Variants in TCF12 observed in about 807,000 individuals in gnomAD.
TCF12 encodes the protein transcription factor 12, also known as DNA-binding protein HTF4.
Under a neutral mutation model 86.0 loss-of-function variants are expected in TCF12, and 45 were observed. The observed-to-expected ratio is 0.52, with a 90% CI of 0.41 to 0.67. The LOEUF (loss-of-function observed/expected upper bound fraction) is 0.67. TCF12 is among the 30% of genes least tolerant of loss of function. TCF12 has a pLI of 0.00. For synonymous variants in TCF12, 330 were observed against 299.6 expected (o/e 1.10, Z -1.05); for missense variants, 881 against 859.9 (o/e 1.02, Z -0.31).
chr15:57,100,934 A>G (rs1284189337), intron 5 of TCF12, among the ~76,000 whole-genome samples: 1 of 152,160 alleles, frequency 6.6e-6, no homozygotes, highest in Admixed American at 6.5e-5. Flanking sequence ...TCTGGTCTTT[A>G]GTTATATAGG....
Position 57,263,292 on chromosome 15 carries a change from G to A in TCF12, c.1745+18G>A. 1 of 1,589,030 alleles carries A rather than the reference G, an allele frequency of 6.3e-7. No homozygotes were observed. Among genetic ancestry groups the A allele is most frequent in the Non-Finnish European group, 8.5e-7 (1 of 1,174,556 alleles). ...AGAACAAGGTATTTGTTAGCATCCA[G>A]GTTTTAAATTTTATTCATTTTCCAT... is the stretch of plus-strand genomic sequence containing the variant. On this transcript the variant is annotated intron_variant, in intron 18 of 20. Transcript: ENST00000333725.
chr15:57,166,418 A>G lies in TCF12; in HGVS notation c.342A>G (p.Arg114=). ...GTTTTATAGGAAAAACATCAGAGAGAGGCTCATTTTCCCTGTACAGCAGAG... is the reference window on the plus strand; with the variant it reads ...GTTTTATAGGAAAAACATCAGAGAGGGGCTCATTTTCCCTGTACAGCAGAG... ...NSNLMGKTSE[R]GSFSLYSRDT... is the part of the protein sequence containing the mutation. Residue 114 remains arginine (R), a synonymous_variant, in exon 6 of 21, where the codon AGA becomes AGG. Coordinates refer to ENST00000333725, the MANE Select transcript of TCF12 (RefSeq NM_207037.2). 6.2e-7 allele frequency: 1 copy of G among 1,612,284 alleles called. No individual in the cohort carries two copies. The highest frequency in any genetic ancestry group is 8.5e-7 in the Non-Finnish European group (1 of 1,179,376).
intron 5 of TCF12, among the ~76,000 whole-genome samples, chr15:57,160,347 A>G (rs1391699415): frequency 6.6e-6 from 1 of 152,116 alleles, no homozygotes; most frequent in Non-Finnish European, 1.5e-5. Flanking sequence ...CCCTTATAAA[A>G]CCATCAGATC....
Position 57,190,528 on chromosome 15 carries a change from A to C in TCF12, c.391-1630A>C, listed in dbSNP as rs181568989. On this transcript the variant is annotated intron_variant, in intron 6 of 20. Transcript: ENST00000333725. ...GGAATCACAGTTCTTTTCACTTGAG[A>C]GTATCTTCTCAAGTGTATTCAACCC... Among the ~76,000 whole-genome samples the C allele has an allele frequency of 9.6e-4, 146 of 152,188 alleles. 1 individual carries two copies. Among genetic ancestry groups the C allele is most frequent in the Middle Eastern group, 6.8e-3 (2 of 294 alleles).
chr15:57,101,759 G>A (rs1340725583), intron 5 of TCF12, among the ~76,000 whole-genome samples: 1 of 152,078 alleles, frequency 6.6e-6, no homozygotes, highest in African/African-American at 2.4e-5. Context: ...TTTAGTTTGA[G>A]TATACCTCTG....
intron 8 of TCF12, 131 bp downstream of exon 8, chr15:57,197,956 C>A: frequency 1.2e-6 from 1 of 858,344 alleles, no homozygotes; most frequent in South Asian, 1.7e-5. Flanking sequence ...CAGTGCTTAA[C>A]AAAATCATTG....
intron 3 of TCF12, among the ~76,000 whole-genome samples, chr15:57,012,773 C>G (rs561071867): frequency 6.7e-4 from 102 of 152,260 alleles, no homozygotes; most frequent in African/African-American, 2.3e-3. Flanking sequence ...GCTCAGGCAG[C>G]CTGAGTCCTC....
At chr15:57,224,218 T>C (rs1204417707) in intron 8 of TCF12, among the ~76,000 whole-genome samples, 1 of 152,066 alleles carries the variant, frequency 6.6e-6, no homozygotes, top group African/African-American at 2.4e-5. Context: ...AGGTGCAATA[T>C]TGTTGAATCT....
intron 16 of TCF12, among the ~76,000 whole-genome samples, chr15:57,257,090 G>A (rs2591071): frequency 0.024 from 3,705 of 152,188 alleles, 145 homozygotes; most frequent in African/African-American, 0.083. Context: ...AGATGGGCAC[G>A]GCTGTATTCC....
At chr15:57,158,328 A>C (rs899363114) in intron 5 of TCF12, among the ~76,000 whole-genome samples, 23 of 151,756 alleles carry the variant, frequency 1.5e-4, no homozygotes, top group Non-Finnish European at 3.2e-4. Flanking sequence ...ACAGGTGTGT[A>C]CCACCATGCC....
chr15:56,942,930 A>G (rs1345461246), intron 3 of TCF12, among the ~76,000 whole-genome samples: 1 of 152,184 alleles, frequency 6.6e-6, no homozygotes, highest in Non-Finnish European at 1.5e-5. Flanking sequence ...AAAAAATTTG[A>G]AAGCCTGTAT....
chr15:57,200,547 T>G (rs1328181710), intron 8 of TCF12, among the ~76,000 whole-genome samples: 2 of 152,238 alleles, frequency 1.3e-5, no homozygotes, highest in Admixed American at 6.5e-5. Flanking sequence ...CAGGATTTCA[T>G]CAGTTTCCTA....
intron 8 of TCF12, chr15:57,219,042 T>C (rs1267472246): frequency 9.5e-7 from 1 of 1,048,616 alleles, no homozygotes; most frequent in African/African-American, 1.7e-5. Flanking sequence ...GAAGCAACTT[T>C]AGACCATGGC....
chr15:57,282,512 G>A lies in TCF12; in HGVS notation c.2046G>A (p.Ser682=), dbSNP rs755104303. The A allele has an allele frequency of 2.8e-5, 45 of 1,614,082 alleles. No individual in the cohort carries two copies. Among genetic ancestry groups the A allele is most frequent in the Non-Finnish European group, 3.1e-5 (36 of 1,180,056 alleles). ...RREEEKVSAV[S]AEPPTTLPGT... ...AAGAAGAAAAAGTTTCTGCCGTATC[G>A]GCAGAGCCGCCAACCACACTGCCAG... is the stretch of plus-strand genomic sequence containing the variant. Residue 682 remains serine (S), a synonymous_variant, in exon 20 of 21, where the codon TCG becomes TCA. Coordinates refer to ENST00000333725, the MANE Select transcript of TCF12 (RefSeq NM_207037.2).
intron 16 of TCF12, among the ~76,000 whole-genome samples, chr15:57,259,171 C>T (rs1259952592): frequency 1.3e-5 from 2 of 151,824 alleles, no homozygotes; most frequent in Non-Finnish European, 2.9e-5. Flanking sequence ...AAAATGGCAA[C>T]TTTTTTAAAA....
chr15:57,080,970 C>A (rs1360234398), intron 4 of TCF12, among the ~76,000 whole-genome samples: 1 of 152,044 alleles, frequency 6.6e-6, no homozygotes, highest in Admixed American at 6.6e-5. Context: ...AAAAGTTCTG[C>A]GGTAGATAAA....
chr15:56,962,506 C>T (rs1160043884), intron 3 of TCF12, among the ~76,000 whole-genome samples: 3 of 152,076 alleles, frequency 2.0e-5, no homozygotes, highest in African/African-American at 7.2e-5. Flanking sequence ...GGACAGTCAA[C>T]ATTACTATCC....
intron 5 of TCF12, among the ~76,000 whole-genome samples, chr15:57,110,464 A>C (rs1887574877): frequency 6.6e-6 from 1 of 152,222 alleles, no homozygotes; most frequent in Non-Finnish European, 1.5e-5. Flanking sequence ...TACAGAATCT[A>C]AACAAATGCT....
intron 5 of TCF12, among the ~76,000 whole-genome samples, chr15:57,114,385 C>G (rs1302346995): frequency 6.6e-6 from 1 of 152,108 alleles, no homozygotes; most frequent in African/African-American, 2.4e-5. Context: ...TGGCCTCCTG[C>G]GCTCAAATGA....
Sources: gnomAD v4.1 joint callset for allele counts (sites outside exome capture counted in the v4.1 genomes callset) on GRCh38, gnomAD v4.1.1 for gene constraint, MANE v1.5 for transcripts, NCBI Gene and HGNC (gene_info 2026-07-23, HGNC 2026-07-21) for gene names.